Variants in RPS6KA5 observed in about 807,000 individuals in gnomAD.
RPS6KA5 encodes ribosomal protein S6 kinase A5.
Under a neutral mutation model 85.5 loss-of-function variants are expected in RPS6KA5, and 27 were observed. The observed-to-expected ratio is 0.32, with a 90% CI of 0.23 to 0.44. The LOEUF (loss-of-function observed/expected upper bound fraction) is 0.44, where lower values mean the gene tolerates loss of function less well. RPS6KA5 is among the 20% of genes least tolerant of loss of function. RPS6KA5 has a pLI of 1.00. For synonymous variants in RPS6KA5, 334 were observed against 348.2 expected (o/e 0.96, Z 0.46); for missense variants, 811 against 980.9 (o/e 0.83, Z 2.31).
At chr14:90,983,893 G>A (rs145073690) in intron 2 of RPS6KA5, among the ~76,000 whole-genome samples, 2,670 of 147,936 alleles carry the variant, frequency 0.018, 64 homozygotes, top group African/African-American at 0.064. Context: ...CGCCCAGACC[G>A]GAGTGCAGTG....
At chr14:91,000,631 C>T (rs916605041) in intron 2 of RPS6KA5, among the ~76,000 whole-genome samples, 10 of 152,038 alleles carry the variant, frequency 6.6e-5, no homozygotes, top group South Asian at 4.2e-4. Context: ...GGTGAAACCC[C>T]GTCTCTACTA....
intron 1 of RPS6KA5, among the ~76,000 whole-genome samples, chr14:91,059,689 A>G (rs2043541512): frequency 6.6e-6 from 1 of 152,240 alleles, no homozygotes; most frequent in Non-Finnish European, 1.5e-5. Flanking sequence ...TTCTAAAGCC[A>G]TCATCTCCAG....
rs2039663635 is a variant in RPS6KA5, at chr14:90,978,580, A to C, written c.176-56T>G. On this transcript the variant is annotated intron_variant, in intron 2 of 16. Transcript: ENST00000614987. ...TAAAATGCTACACAGGCAAAATGGT[A>C]ATTTAGTGCAACTAAATTTATTTAA... The C allele has an allele frequency of 4.6e-6, 6 of 1,309,080 alleles. No homozygotes were observed. In the South Asian group the frequency reaches 9.1e-5, roughly 20 times the overall value. 81.1% of individuals were successfully genotyped at this position (1,309,080 alleles called of 1,614,324 possible). A position where few individuals can be genotyped will look rare whatever the true frequency, so the allele number is the denominator to read the frequency against.
Position 90,890,632 on chromosome 14 carries a change from A to T in RPS6KA5, c.1691T>A (p.Ile564Asn). ...DENDNLEIKI[I>N]DFGFARLKPP... ...CTTTAGCCGTGCAAATCCAAAATCAATTATTTTAATTTCCAAATTGTCATT... is the reference window on the plus strand; with the variant it reads ...CTTTAGCCGTGCAAATCCAAAATCATTTATTTTAATTTCCAAATTGTCATT... The change falls in exon 14 of 17, where the codon ATT (isoleucine) becomes AAT (asparagine). Residue 564 changes from isoleucine (I) to asparagine (N), a missense_variant. Transcript: ENST00000614987. 6.2e-7 allele frequency: 1 copy of T among 1,614,094 alleles called. No homozygotes were observed. The highest frequency in any genetic ancestry group is 8.5e-7 in the Non-Finnish European group (1 of 1,179,982).
chr14:90,996,234 G>A (rs997466137), intron 2 of RPS6KA5, among the ~76,000 whole-genome samples: 5 of 146,834 alleles, frequency 3.4e-5, no homozygotes, highest in African/African-American at 5.0e-5. Context: ...ATGAAGTCTC[G>A]CTATGTTGCC....
At chr14:90,989,157 T>C (rs191855567) in intron 2 of RPS6KA5, among the ~76,000 whole-genome samples, 2 of 152,326 alleles carry the variant, frequency 1.3e-5, no homozygotes, top group East Asian at 1.9e-4. Context: ...TATCTAGTAA[T>C]TGGCAATTCA....
In RPS6KA5 at chr14:90,894,523, T is replaced by C; in HGVS notation, c.1534A>G (p.Lys512Glu). ...TCCGTCTCACTGAAGTGCTTCTTTT[T>C]CTTAATGCGCTCAAACAGTTCTCCT... is the stretch of plus-strand genomic sequence containing the variant. Reference protein sequence around the residue: ...NGGELFERIKKKKHFSETEAS... With the variant: ...NGGELFERIKEKKHFSETEAS... Residue 512 changes from lysine to glutamate, a missense_variant, in exon 13 of 17, where the codon AAA (lysine) becomes GAA (glutamate). Transcript: ENST00000614987. 1 of 1,614,166 alleles carries C rather than the reference T, an allele frequency of 6.2e-7. No individual in the cohort carries two copies. The highest frequency in any genetic ancestry group is 1.1e-5 in the South Asian group (1 of 91,084).
rs997287793 is a variant in RPS6KA5, at chr14:90,947,525, A to G, written c.420T>C (p.Phe140=). 1 of 1,604,474 alleles carries G rather than the reference A, an allele frequency of 6.2e-7. No homozygotes were observed. Among genetic ancestry groups the G allele is most frequent in the Non-Finnish European group, 8.5e-7 (1 of 1,171,652 alleles). ...ILDYINGGEL[F]THLSQRERFT... ...AACGCTCTCTTTGAGAAAGATGAGT[A>G]AAAAGTTCACCACCATTTATATAAT... Residue 140 remains phenylalanine (F), a synonymous_variant, in exon 4 of 17, where the codon TTT becomes TTC. Transcript: ENST00000614987.
intron 2 of RPS6KA5, 114 bp from the exon 3 acceptor site, chr14:90,978,638 T>C: frequency 1.4e-6 from 1 of 698,404 alleles, no homozygotes. Context: ...AAGGAAAAAG[T>C]ACCCTTGGTA....
At chr14:90,917,154 G>C (rs2036162133) in intron 7 of RPS6KA5, among the ~76,000 whole-genome samples, 1 of 151,866 alleles carries the variant, frequency 6.6e-6, no homozygotes, top group Non-Finnish European at 1.5e-5. Context: ...TATAGTCTGA[G>C]GTATTTTCAA....
chr14:90,909,709 T>C (rs1181367269), intron 7 of RPS6KA5, among the ~76,000 whole-genome samples: 2 of 152,204 alleles, frequency 1.3e-5, no homozygotes, highest in East Asian at 3.8e-4. Context: ...AGTGAGGTGC[T>C]AGCAAATAAA....
At chr14:90,984,890 CATTTT>C (rs747928836) in intron 2 of RPS6KA5, among the ~76,000 whole-genome samples, 11 of 152,196 alleles carry the variant, frequency 7.2e-5, no homozygotes, top group Admixed American at 1.3e-4. Context: ...ACTTATCTTT[CATTTT>C]ATTTGCAAAA....
At chr14:90,923,812 A>C (rs994508893) in intron 5 of RPS6KA5, among the ~76,000 whole-genome samples, 1 of 152,186 alleles carries the variant, frequency 6.6e-6, no homozygotes, top group Non-Finnish European at 1.5e-5. Flanking sequence ...TTATTTCTTA[A>C]AGATAGATGT....
chr14:90,874,966 G>A (rs1183547455), intron 15 of RPS6KA5, among the ~76,000 whole-genome samples: 1 of 152,190 alleles, frequency 6.6e-6, no homozygotes, highest in Non-Finnish European at 1.5e-5. Flanking sequence ...TGTTTTAGAT[G>A]TGCTTGACTG....
intron 13 of RPS6KA5, among the ~76,000 whole-genome samples, chr14:90,891,281 T>C (rs998813987): frequency 6.6e-6 from 1 of 150,706 alleles, no homozygotes; most frequent in Non-Finnish European, 1.5e-5. Context: ...ATATCTAGTA[T>C]TGCCTATTGA....
intron 1 of RPS6KA5, among the ~76,000 whole-genome samples, chr14:91,038,073 T>G (rs2042470675): frequency 6.6e-6 from 1 of 152,228 alleles, no homozygotes; most frequent in East Asian, 1.9e-4. Context: ...CATCTCTATG[T>G]GATCTCTGCC....
chr14:91,002,437 T>C (rs573268545), intron 1 of RPS6KA5, among the ~76,000 whole-genome samples: 9 of 152,256 alleles, frequency 5.9e-5, no homozygotes, highest in African/African-American at 1.9e-4. Context: ...ACCCACTACA[T>C]AGAATTTAAT....
Position 91,049,182 on chromosome 14 carries a change from T to C in RPS6KA5, c.103+11150A>G, listed in dbSNP as rs1190312662. 2.6e-5 allele frequency among the ~76,000 whole-genome samples: 4 copies of C among 152,216 alleles called. No homozygotes were observed. The East Asian group carries it at 7.7e-4, about 29-fold the overall frequency. On this transcript the variant is annotated intron_variant, in intron 1 of 16. Coordinates refer to ENST00000614987, the MANE Select transcript of RPS6KA5 (RefSeq NM_004755.4). ...AGAAAGTTAAGAAGGGATTTTCTTT[T>C]AAGGTCTAGGCACTAGGGAACCAAA...
chr14:90,914,812 G>A (rs2036025863), intron 7 of RPS6KA5, among the ~76,000 whole-genome samples: 1 of 152,202 alleles, frequency 6.6e-6, no homozygotes, highest in South Asian at 2.1e-4. Flanking sequence ...TCCTCTCCTT[G>A]CCATCCCCTC....
Sources: gnomAD v4.1 joint callset for allele counts (sites outside exome capture counted in the v4.1 genomes callset) on GRCh38, gnomAD v4.1.1 for gene constraint, MANE v1.5 for transcripts, NCBI Gene and HGNC (gene_info 2026-07-23, HGNC 2026-07-21) for gene names.